EPHA7: variants seen among roughly 807,000 people sequenced by gnomAD.
EPHA7 encodes the protein ephrin type-A receptor 7.
In EPHA7, 25 loss-of-function variants were observed where a neutral mutation model predicts 112.6. The ratio of observed to expected loss-of-function variants is 0.22; its 90% CI spans 0.16 to 0.31. EPHA7 has a LOEUF of 0.31. Ranked by LOEUF, EPHA7 falls within the 10% of genes least tolerant of loss-of-function variation. The pLI, the probability that EPHA7 is intolerant of heterozygous loss-of-function variation, is 1.00. For missense variants in EPHA7, 962 were observed against 1,212.6 expected (o/e 0.79, Z 3.07); for synonymous variants, 437 against 406.5 (o/e 1.07, Z -0.90).
At chr6:93,393,450 G>T (rs993891941) in intron 3 of EPHA7, among the ~76,000 whole-genome samples, 1 of 151,660 alleles carries the variant, frequency 6.6e-6, no homozygotes, top group Admixed American at 6.6e-5. Flanking sequence ...CAAAAAAAAC[G>T]CCTCTCAGAT....
intron 5 of EPHA7, among the ~76,000 whole-genome samples, chr6:93,321,731 T>G (rs1774085508): frequency 6.6e-6 from 1 of 151,864 alleles, no homozygotes; most frequent in Non-Finnish European, 1.5e-5. Context: ...GTCCCTGTGG[T>G]CCACACAACT....
chr6:93,308,643 T>C lies in EPHA7; in HGVS notation c.1325-36221A>G, dbSNP rs185654819. Among the ~76,000 whole-genome samples, 280 of 152,244 alleles carry C rather than the reference T, an allele frequency of 1.8e-3. 1 individual carries two copies. The highest frequency in any genetic ancestry group is 6.0e-3 in the African/African-American group (250 of 41,558). On this transcript the variant is annotated intron_variant, in intron 5 of 16. Coordinates refer to ENST00000369303, the MANE Select transcript of EPHA7 (RefSeq NM_004440.4). ...GATGTTTGAATTATTTATAAATAATTGTCAAACTAGTTGGGACTTTTAAAA... is the reference window on the plus strand; with the variant it reads ...GATGTTTGAATTATTTATAAATAATCGTCAAACTAGTTGGGACTTTTAAAA...
intron 5 of EPHA7, among the ~76,000 whole-genome samples, chr6:93,314,258 C>A (rs1773683894): frequency 6.6e-6 from 1 of 151,954 alleles, no homozygotes; most frequent in Non-Finnish European, 1.5e-5. Context: ...ATGGCAAAAA[C>A]CCTATATAAT....
At chr6:93,275,464 A>G (rs1000774383) in intron 5 of EPHA7, among the ~76,000 whole-genome samples, 4 of 151,964 alleles carry the variant, frequency 2.6e-5, no homozygotes. Flanking sequence ...AACTGAAAAA[A>G]CAGATGGAAC....
In EPHA7 at chr6:93,283,759, C is replaced by T. The variant is rs143939855; in HGVS notation, c.1325-11337G>A. On this transcript the variant is annotated intron_variant, in intron 5 of 16. Transcript: ENST00000369303. ...AACTGTAACACTCACCACGAGGGTC[C>T]GCGGCTTCATTCTTGAAGTCAGTGA... Among the ~76,000 whole-genome samples, 822 of 152,196 alleles carry T rather than the reference C, an allele frequency of 5.4e-3. 7 individuals are homozygous for T. The highest frequency in any genetic ancestry group is 0.019 in the African/African-American group (774 of 41,508).
Position 93,411,190 on chromosome 6 carries a change from G to A in EPHA7, c.163-20C>T. ...TTCCCACTGTAAAATTTGAAAAAAGGTCATCAGTCATTCAGCAAAAAATAA... is the reference window on the plus strand; with the variant it reads ...TTCCCACTGTAAAATTTGAAAAAAGATCATCAGTCATTCAGCAAAAAATAA... On this transcript the variant is annotated intron_variant, in intron 2 of 16. Transcript: ENST00000369303. 6.3e-7 allele frequency: 1 copy of A among 1,580,966 alleles called. No homozygotes were observed. Among genetic ancestry groups the A allele is most frequent in the South Asian group, 1.1e-5 (1 of 88,542 alleles).
At chr6:93,366,931 T>C (rs867121031) in intron 3 of EPHA7, among the ~76,000 whole-genome samples, 3 of 151,290 alleles carry the variant, frequency 2.0e-5, no homozygotes, top group Admixed American at 1.3e-4. Flanking sequence ...GTTCACCCCA[T>C]AGATTAAAAA....
intron 5 of EPHA7, among the ~76,000 whole-genome samples, chr6:93,298,683 G>A (rs1562079075): frequency 6.6e-6 from 1 of 151,984 alleles, no homozygotes; most frequent in Non-Finnish European, 1.5e-5. Context: ...AAATTATTTT[G>A]CCTATCACAT....
chr6:93,345,704 C>G (rs1310337748), intron 5 of EPHA7, among the ~76,000 whole-genome samples: 1 of 151,742 alleles, frequency 6.6e-6, no homozygotes. Flanking sequence ...GCAGTTGTAA[C>G]TGACAGATCT....
intron 5 of EPHA7, among the ~76,000 whole-genome samples, chr6:93,293,720 A>G (rs1191963044): frequency 6.6e-6 from 1 of 152,206 alleles, no homozygotes; most frequent in Non-Finnish European, 1.5e-5. Context: ...TGCAGCAGCA[A>G]TAAGTGAGCA....
chr6:93,254,191 T>C (rs1351842621), intron 14 of EPHA7, among the ~76,000 whole-genome samples: 3 of 152,116 alleles, frequency 2.0e-5, no homozygotes, highest in Non-Finnish European at 2.9e-5. Flanking sequence ...GATTGTCCCA[T>C]GAAACTAAAA....
chr6:93,362,502 A>C (rs1776309656), intron 3 of EPHA7, among the ~76,000 whole-genome samples: 1 of 152,142 alleles, frequency 6.6e-6, no homozygotes, highest in Non-Finnish European at 1.5e-5. Context: ...ATAAAAAAGC[A>C]CCAAAATTCT....
intron 5 of EPHA7, among the ~76,000 whole-genome samples, chr6:93,314,149 G>A (rs1773675763): frequency 6.6e-6 from 1 of 150,970 alleles, no homozygotes; most frequent in South Asian, 2.1e-4. Context: ...TAAGGTATTA[G>A]TTCTACTTAA....
chr6:93,383,805 T>A (rs1777467916), intron 3 of EPHA7, among the ~76,000 whole-genome samples: 1 of 152,160 alleles, frequency 6.6e-6, no homozygotes, highest in South Asian at 2.1e-4. Flanking sequence ...TCAAGCCATC[T>A]GCCCACTTCA....
At chr6:93,342,625 G>A (rs1006495868) in intron 5 of EPHA7, among the ~76,000 whole-genome samples, 1 of 151,680 alleles carries the variant, frequency 6.6e-6, no homozygotes, top group Non-Finnish European at 1.5e-5. Flanking sequence ...CCTCCTGGAT[G>A]TGCTGTTAAT....
intron 3 of EPHA7, among the ~76,000 whole-genome samples, chr6:93,369,480 C>T (rs915159387): frequency 1.1e-4 from 16 of 152,148 alleles, no homozygotes; most frequent in African/African-American, 3.4e-4. Context: ...AAAGTAGCTA[C>T]ATATGTAAAG....
At chr6:93,340,568 CAAAAAAAA>C in intron 5 of EPHA7, among the ~76,000 whole-genome samples, 1 of 150,348 alleles carries the variant, frequency 6.7e-6, no homozygotes, top group East Asian at 2.0e-4. Context: ...TACAAAACTC[CAAAAAAAA>C]ATTCAAAATC....
intron 5 of EPHA7, among the ~76,000 whole-genome samples, chr6:93,286,157 C>G (rs1241830545): frequency 6.6e-6 from 1 of 152,076 alleles, no homozygotes; most frequent in Admixed American, 6.6e-5. Context: ...CACACACACA[C>G]ACACACACCC....
chr6:93,245,258 T>A (rs1769894195), intron 16 of EPHA7, 40 bp downstream of exon 16: 2 of 1,569,346 alleles, frequency 1.3e-6, no homozygotes, highest in South Asian at 1.1e-5. Flanking sequence ...AGATTGTACC[T>A]AATAAATCCT....
Sources: gnomAD v4.1 joint callset for allele counts (sites outside exome capture counted in the v4.1 genomes callset) on GRCh38, gnomAD v4.1.1 for gene constraint, MANE v1.5 for transcripts, NCBI Gene and HGNC (gene_info 2026-07-23, HGNC 2026-07-21) for gene names.